Variants in SCML4 observed in about 807,000 individuals in gnomAD.
SCML4 encodes the protein sex comb on midleg-like protein 4.
SCML4 carries 34 observed loss-of-function variants against 41.1 expected under a neutral mutation model. The ratio of observed to expected loss-of-function variants is 0.83; its 90% confidence interval spans 0.63 to 1.10. SCML4 has a LOEUF of 1.10. Among genes scored for constraint, SCML4 ranks in the 50% least tolerant of loss-of-function variants. The pLI is 0.00. For missense variants in SCML4, 522 were observed against 534.1 expected, an observed-to-expected ratio of 0.98 and a Z score of 0.22; for synonymous variants, 214 against 220.9, an observed-to-expected ratio of 0.97 and a Z score of 0.28.
intron 2 of SCML4, among the ~76,000 whole-genome samples, chr6:107,761,808 C>CT (rs71015510): frequency 0.089 from 13,088 of 147,748 alleles, 1,898 homozygotes; most frequent in African/African-American, 0.31. Flanking sequence ...AAAAAAAAGT[C>CT]TTTTTTTTTT....
chr6:107,716,614 G>A (rs979970464), intron 6 of SCML4, among the ~76,000 whole-genome samples: 1 of 152,066 alleles, frequency 6.6e-6, no homozygotes, highest in Non-Finnish European at 1.5e-5. Context: ...CTTTCTCTAG[G>A]ATAGAGTAAG....
At chr6:107,735,123 A>T (rs1016296362) in intron 5 of SCML4, among the ~76,000 whole-genome samples, 3 of 152,022 alleles carry the variant, frequency 2.0e-5, no homozygotes, top group Non-Finnish European at 4.4e-5. Context: ...CAGTCCACCC[A>T]CCTCGGCCTC....
upstream of SCML4, among the ~76,000 whole-genome samples, chr6:107,828,589 C>T (rs990220277): frequency 6.6e-5 from 10 of 152,026 alleles, no homozygotes; most frequent in Admixed American, 2.6e-4. Context: ...AGAAAGAACA[C>T]GAAGAAAAGC....
chr6:107,827,443 G>A (rs2114331127), upstream of SCML4, among the ~76,000 whole-genome samples: 1 of 150,874 alleles, frequency 6.6e-6, no homozygotes, highest in Admixed American at 6.6e-5. Flanking sequence ...CATGCAACCA[G>A]GAACATAGCT....
At chr6:107,809,297 C>G (rs2114263753) in intron 1 of SCML4, among the ~76,000 whole-genome samples, 1 of 152,312 alleles carries the variant, frequency 6.6e-6, no homozygotes, top group East Asian at 1.9e-4. Flanking sequence ...TCTATTGTTT[C>G]TAAATTACCC....
chr6:107,744,943 G>A lies in SCML4; in HGVS notation c.682+6C>T, dbSNP rs770107756. ...CTGCAGGTGGGGGAAGCAGGACAAG[G>A]CCTACCTGATTCCATCCTCCCTTCC... is the stretch of plus-strand genomic sequence containing the variant. On this transcript the variant is annotated splice_donor_region_variant and intron_variant, in intron 5 of 7. Transcript: ENST00000369020. 7.5e-6 allele frequency: 12 copies of A among 1,599,434 alleles called. No homozygotes were observed. Among genetic ancestry groups the A allele is most frequent in the East Asian group, 2.3e-5 (1 of 44,428 alleles).
At chr6:107,773,908 G>A (rs1027240062) in intron 1 of SCML4, among the ~76,000 whole-genome samples, 1 of 152,230 alleles carries the variant, frequency 6.6e-6, no homozygotes, top group South Asian at 2.1e-4. Context: ...TGTCTACAAG[G>A]ACAAGATTGC....
At chr6:107,778,222 A>AAAAAAATATATATAT (rs1554218145) in intron 1 of SCML4, among the ~76,000 whole-genome samples, 1 of 15,538 alleles carries the variant, frequency 6.4e-5, no homozygotes, top group Non-Finnish European at 1.5e-4. Context: ...AAAAAAAAAA[A>AAAAAAATATATATAT]ATATATATAT....
chr6:107,757,323 A>T (rs1779198080), intron 2 of SCML4, among the ~76,000 whole-genome samples: 1 of 152,200 alleles, frequency 6.6e-6, no homozygotes, highest in Non-Finnish European at 1.5e-5. Flanking sequence ...GGATCGGTTG[A>T]TATAAAACTC....
intron 6 of SCML4, among the ~76,000 whole-genome samples, chr6:107,712,824 G>C (rs1629005): frequency 0.75 from 113,828 of 151,736 alleles, 42,880 homozygotes; most frequent in Admixed American, 0.81. Context: ...AAGACAGATG[G>C]GTGGAGCCTG....
chr6:107,770,884 T>G (rs1780461775), intron 2 of SCML4, among the ~76,000 whole-genome samples: 1 of 152,194 alleles, frequency 6.6e-6, no homozygotes, highest in Admixed American at 6.5e-5. Context: ...GATGCATCTA[T>G]AAACAGAAAG....
chr6:107,751,839 T>C (rs367726843), intron 2 of SCML4, among the ~76,000 whole-genome samples: 34 of 152,246 alleles, frequency 2.2e-4, no homozygotes, highest in African/African-American at 7.7e-4. Flanking sequence ...TTTCACCATG[T>C]TGGCCAGGCT....
At chr6:107,804,747 C>A (rs1344442416) in intron 1 of SCML4, among the ~76,000 whole-genome samples, 3 of 152,112 alleles carry the variant, frequency 2.0e-5, no homozygotes, top group African/African-American at 7.2e-5. Flanking sequence ...GAAGCCAAGG[C>A]GGAAGGATTG....
chr6:107,845,235 A>C, the SCML4 span, among the ~76,000 whole-genome samples: 2 of 152,182 alleles, frequency 1.3e-5, no homozygotes, highest in Admixed American at 1.3e-4. Flanking sequence ...GAAAACAAAA[A>C]AAAAATCTCA....
the SCML4 span, among the ~76,000 whole-genome samples, chr6:107,829,863 T>C: frequency 6.6e-6 from 1 of 152,234 alleles, no homozygotes; most frequent in African/African-American, 2.4e-5. Flanking sequence ...GCAAACATAT[T>C]TGATAATGGC....
At chr6:107,780,547 A>G (rs546138046) in intron 1 of SCML4, among the ~76,000 whole-genome samples, 1 of 152,226 alleles carries the variant, frequency 6.6e-6, no homozygotes, top group South Asian at 2.1e-4. Flanking sequence ...TCTCTACAAA[A>G]AATACAAAAA....
At chr6:107,749,100 A>G (rs1180620919) in intron 3 of SCML4, among the ~76,000 whole-genome samples, 1 of 151,862 alleles carries the variant, frequency 6.6e-6, no homozygotes, top group East Asian at 2.0e-4. Flanking sequence ...GGGTTGTGAC[A>G]TAGGATTCTC....
chr6:107,839,393 G>GAAAC, the SCML4 span, among the ~76,000 whole-genome samples: 111 of 134,496 alleles, frequency 8.3e-4, 1 homozygote, highest in African/African-American at 3.1e-3. Flanking sequence ...AAGAAAGAAA[G>GAAAC]AAAGAAAGAA....
chr6:107,766,774 T>C (rs2114556282), intron 2 of SCML4, among the ~76,000 whole-genome samples: 1 of 152,238 alleles, frequency 6.6e-6, no homozygotes, highest in African/African-American at 2.4e-5. Context: ...GTCCCTACCC[T>C]AGGTGCTGCT....
Sources: gnomAD v4.1 joint callset for allele counts (sites outside exome capture counted in the v4.1 genomes callset) on GRCh38, gnomAD v4.1.1 for gene constraint, MANE v1.5 for transcripts, NCBI Gene and HGNC (gene_info 2026-07-23, HGNC 2026-07-21) for gene names.